ARGLU1: variants seen among roughly 807,000 people sequenced by gnomAD.
ARGLU1 encodes arginine and glutamate-rich protein 1.
In ARGLU1, 9 loss-of-function variants were observed where a neutral mutation model predicts 37.6. The observed-to-expected ratio is 0.24, with a 90% confidence interval of 0.14 to 0.42. The LOEUF (loss-of-function observed/expected upper bound fraction) is 0.42. ARGLU1 is among the 10% of genes least tolerant of loss of function. The pLI is 1.00. For synonymous variants in ARGLU1, 166 were observed against 138.5 expected (o/e 1.20, Z -1.39); for missense variants, 211 against 359.2 (o/e 0.59, Z 3.34).
At position 106,557,216 on chromosome 13, in the gene ARGLU1, T is replaced by A; in HGVS notation, c.574-85A>T. 8.3e-7 allele frequency: 1 copy of A among 1,203,492 alleles called. No individual in the cohort carries two copies. Among genetic ancestry groups the A allele is most frequent in the African/African-American group, 1.5e-5 (1 of 65,322 alleles). The allele number at this position is 1,203,492 out of a possible 1,614,324, so 74.6% of individuals were successfully genotyped here. On this transcript the variant is annotated intron_variant, in intron 2 of 3. Transcript: ENST00000400198. The surrounding 1 kb of genome is among the most constrained non-coding windows in gnomAD (Gnocchi z 5.0). ...TATTTACTAATCTTCCTCTGAACTT[T>A]TTTGATATGACTTACAGGGTAGCTT...
At chr13:106,561,111 G>A (rs1880788250) in intron 1 of ARGLU1, among the ~76,000 whole-genome samples, 1 of 152,134 alleles carries the variant, frequency 6.6e-6, no homozygotes, top group Non-Finnish European at 1.5e-5. Flanking sequence ...GGGCCTAGAT[G>A]TTTGCCCAAC....
Position 106,543,827 on chromosome 13 carries a change from A to G in ARGLU1, c.*169T>C, listed in dbSNP as rs1482214385. 8 of 65,852 alleles carry G rather than the reference A, an allele frequency of 1.2e-4. No homozygotes were observed. The highest frequency in any genetic ancestry group is 2.0e-4 in the African/African-American group (3 of 14,722). 4.1% of individuals were successfully genotyped at this position (65,852 alleles called of 1,614,324 possible). Reference sequence around the variant, plus strand: ...ATAAGGATTTGACTTAGTGGAAGGAAAAAAAAAAAAAAAAAGGGAATTGCA... The same window carrying G: ...ATAAGGATTTGACTTAGTGGAAGGAGAAAAAAAAAAAAAAAGGGAATTGCA... On this transcript the variant is annotated 3_prime_UTR_variant, in exon 4 of 4. Transcript: ENST00000400198.
chr13:106,550,747 C>A (rs1055250570), intron 3 of ARGLU1, among the ~76,000 whole-genome samples: 6 of 152,134 alleles, frequency 3.9e-5, no homozygotes, highest in African/African-American at 1.4e-4. Context: ...AGAATCTGTT[C>A]CCTGCCTCTT....
In ARGLU1 at chr13:106,567,802, G is replaced by T; in HGVS notation, c.118C>A (p.Arg40Ser). Residue 40 changes from arginine to serine, a missense_variant, in exon 1 of 4, where the codon CGT (arginine) becomes AGT (serine). Transcript: ENST00000400198. The surrounding 1 kb of genome is among the most constrained non-coding windows in gnomAD (Gnocchi z 4.3). ...RSRDKERVRKRSKSRESKRNR... is the reference protein window; with the variant it reads ...RSRDKERVRKSSKSRESKRNR... ...CGTTTACTTTCCCGAGATTTGGAAC[G>T]CTTCCGCACGCGCTCCTTGTCCCGG... 6.2e-7 allele frequency: 1 copy of T among 1,613,482 alleles called. No homozygotes were observed. Among genetic ancestry groups the T allele is most frequent in the Non-Finnish European group, 8.5e-7 (1 of 1,179,736 alleles).
In ARGLU1 at chr13:106,567,821, G is replaced by T; in HGVS notation, c.99C>A (p.Asp33Glu). The T allele has an allele frequency of 1.9e-6, 3 of 1,613,678 alleles. No homozygotes were observed. Among genetic ancestry groups the T allele is most frequent in the Non-Finnish European group, 2.5e-6 (3 of 1,179,856 alleles). Residue 33 changes from aspartate to glutamate, a missense_variant, in exon 1 of 4, where the codon GAC becomes GAA. Transcript: ENST00000400198. This position sits in a 1 kb window ranked among gnomAD's most constrained non-coding sequence, Gnocchi z 4.3. ...KRSRSRSRSR[D>E]KERVRKRSKS... ...TGGAACGCTTCCGCACGCGCTCCTT[G>T]TCCCGGGATCGCGACCGGGACCGGC...
In ARGLU1 at chr13:106,543,756, A is replaced by C. The variant is rs989556001; in HGVS notation, c.*240T>G. 2.5e-6 allele frequency: 1 copy of C among 400,182 alleles called. No individual in the cohort carries two copies. The highest frequency in any genetic ancestry group is 2.1e-5 in the African/African-American group (1 of 46,936). The allele number at this position is 400,182 out of a possible 1,614,324, so 24.8% of individuals were successfully genotyped here. A position where few individuals can be genotyped will look rare whatever the true frequency, so the allele number is the denominator to read the frequency against. On this transcript the variant is annotated 3_prime_UTR_variant, in exon 4 of 4. Coordinates refer to ENST00000400198, the MANE Select transcript of ARGLU1 (RefSeq NM_018011.4). ...TCCTCAGACCACTAATATAGAATCCAAACAGGTGAAAAATACGTCACTCCT... is the reference window on the plus strand; with the variant it reads ...TCCTCAGACCACTAATATAGAATCCCAACAGGTGAAAAATACGTCACTCCT...
intron 2 of ARGLU1, chr13:106,558,121 TA>T (rs796175777): frequency 3.7e-4 from 343 of 934,158 alleles, no homozygotes; most frequent in Middle Eastern, 1.7e-3. Context: ...TGTGTCCGTG[TA>T]AAAAAAAAAT....
Position 106,557,999 on chromosome 13 carries a change from A to G in ARGLU1, c.574-868T>C. On this transcript the variant is annotated intron_variant, in intron 2 of 3. Coordinates refer to ENST00000400198, the MANE Select transcript of ARGLU1 (RefSeq NM_018011.4). The surrounding 1 kb of genome is among the most constrained non-coding windows in gnomAD (Gnocchi z 5.0). The stretch of plus-strand genomic sequence containing the variant: ...AACTTATTTTTTCTTGGAGAATTTA[A>G]TGAGATTTTATAATGCAAACTGTAT... 1 of 985,422 alleles carries G rather than the reference A, an allele frequency of 1.0e-6. No individual in the cohort carries two copies. Among genetic ancestry groups the G allele is most frequent in the Non-Finnish European group, 1.2e-6 (1 of 829,902 alleles). The allele number at this position is 985,422 out of a possible 1,614,324, so 61.0% of individuals were successfully genotyped here. A position where few individuals can be genotyped will look rare whatever the true frequency, so the allele number is the denominator to read the frequency against.
intron 2 of ARGLU1, chr13:106,558,056 G>C: frequency 1.0e-6 from 1 of 985,128 alleles, no homozygotes; most frequent in African/African-American, 1.7e-5. Flanking sequence ...GCAGTGTTCA[G>C]ATCACAGCAT....
At chr13:106,553,575 A>AAT (rs1322221615) in intron 3 of ARGLU1, among the ~76,000 whole-genome samples, 1 of 152,204 alleles carries the variant, frequency 6.6e-6, no homozygotes, top group Non-Finnish European at 1.5e-5. Context: ...GTATCTGTAT[A>AAT]ATAACCCGCC....
chr13:106,562,756 C>T (rs970265929), intron 1 of ARGLU1, among the ~76,000 whole-genome samples: 2 of 151,930 alleles, frequency 1.3e-5, no homozygotes, highest in Admixed American at 6.6e-5. Context: ...CTTTGGGAGG[C>T]CCAGGCAGGT....
chr13:106,566,787 G>A (rs978386554), intron 1 of ARGLU1, among the ~76,000 whole-genome samples: 4 of 152,146 alleles, frequency 2.6e-5, no homozygotes, highest in East Asian at 1.9e-4. Context: ...GTCTTCTGAA[G>A]AAGCACAGTG....
At chr13:106,555,878 T>C (rs1566473260) in intron 3 of ARGLU1, among the ~76,000 whole-genome samples, 1 of 152,034 alleles carries the variant, frequency 6.6e-6, no homozygotes, top group Non-Finnish European at 1.5e-5. Context: ...TAATGGGAGG[T>C]CCAGTTCCAC....
intron 3 of ARGLU1, among the ~76,000 whole-genome samples, chr13:106,551,121 T>C (rs980876416): frequency 1.3e-5 from 2 of 151,408 alleles, no homozygotes; most frequent in Non-Finnish European, 3.0e-5. Flanking sequence ...GCAATACCCC[T>C]GGCCTTCTTT....
intron 1 of ARGLU1, 66 bp from the exon 2 acceptor site, chr13:106,559,723 T>G: frequency 1.3e-6 from 2 of 1,496,148 alleles, no homozygotes; most frequent in Non-Finnish European, 1.8e-6. Context: ...TAAACAAAAC[T>G]AGTTTTAAGT....
At chr13:106,558,434 T>G in intron 2 of ARGLU1, 1 of 985,460 alleles carries the variant, frequency 1.0e-6, no homozygotes, top group Non-Finnish European at 1.2e-6. Context: ...ACAATGAGTC[T>G]TAATTATTTT....
chr13:106,563,912 AGAGT>A (rs903916003), intron 1 of ARGLU1, among the ~76,000 whole-genome samples: 4 of 152,246 alleles, frequency 2.6e-5, no homozygotes, highest in Non-Finnish European at 5.9e-5. Context: ...ATCACAGGCT[AGAGT>A]AAGTTACTAT....
chr13:106,566,821 G>A (rs930833341), intron 1 of ARGLU1, among the ~76,000 whole-genome samples: 2 of 152,108 alleles, frequency 1.3e-5, no homozygotes, highest in African/African-American at 4.8e-5. Flanking sequence ...AAAACTGCAC[G>A]TGTTTGCTAC....
At position 106,557,321 on chromosome 13, in the gene ARGLU1, T is replaced by C; in HGVS notation, c.574-190A>G. 1 of 658,452 alleles carries C rather than the reference T, an allele frequency of 1.5e-6. No homozygotes were observed. The highest frequency in any genetic ancestry group is 2.5e-6 in the Non-Finnish European group (1 of 406,154). The allele number at this position is 658,452 out of a possible 1,614,324, so 40.8% of individuals were successfully genotyped here. A position where few individuals can be genotyped will look rare whatever the true frequency, so the allele number is the denominator to read the frequency against. On this transcript the variant is annotated intron_variant, in intron 2 of 3. Transcript: ENST00000400198. This position sits in a 1 kb window ranked among gnomAD's most constrained non-coding sequence, Gnocchi z 5.0. ...TCTAGCACTAAATTTAAATCATCCC[T>C]CCCAGTCCAAACAGCAACCAACTAA...
Sources: allele counts gnomAD v4.1 joint callset (sites outside exome capture counted in the v4.1 genomes callset), GRCh38; gene constraint gnomAD v4.1.1; non-coding constraint Gnocchi (gnomAD v3.1); transcripts MANE v1.5; gene names NCBI Gene and HGNC (gene_info 2026-07-23, HGNC 2026-07-21).